Variants in BACH1 observed in about 807,000 individuals in gnomAD.
BACH1 encodes the protein BTB domain and CNC homolog 1, also known as transcription regulator protein BACH1.
A neutral mutation model predicts 52.9 loss-of-function variants in BACH1; 35 were observed. The ratio of observed to expected loss-of-function variants is 0.66; its 90% CI spans 0.51 to 0.88. The LOEUF (loss-of-function observed/expected upper bound fraction) is 0.88. BACH1 is among the 40% of genes least tolerant of loss of function. BACH1 has a pLI of 0.00. For synonymous variants in BACH1, 321 were observed against 319.6 expected, an observed-to-expected ratio of 1.00 and a Z score of -0.05; for missense variants, 808 against 872.6, an observed-to-expected ratio of 0.93 and a Z score of 0.93.
rs747643943 is a variant in BACH1 at position 29,326,684 on chromosome 21, A to G, written c.860A>G (p.Glu287Gly). ...LKCDESKLAM[E>G]PEETKKDPAS... ...TGTGACGAAAGTAAATTAGCAATGG[A>G]ACCTGAAGAAACGAAGAAAGATCCT... The change falls in exon 3 of 5, where the codon GAA becomes GGA. Residue 287 changes from glutamate (E) to glycine (G), a missense_variant. Glu to Gly is a moderately conservative substitution (Grantham distance 98). Coordinates refer to ENST00000286800, the MANE Select transcript of BACH1 (RefSeq NM_001186.4). 2 of 1,614,214 alleles carry G rather than the reference A, an allele frequency of 1.2e-6. No individual in the cohort carries two copies. The highest frequency in any genetic ancestry group is 1.1e-5 in the South Asian group (1 of 91,092).
intron 1 of BACH1, among the ~76,000 whole-genome samples, chr21:29,320,237 G>A (rs949028431): frequency 3.3e-5 from 5 of 152,152 alleles, no homozygotes; most frequent in African/African-American, 1.2e-4. Flanking sequence ...GGCATCACAC[G>A]GATAAAGGCC....
intron 4 of BACH1, among the ~76,000 whole-genome samples, chr21:29,334,593 C>T (rs2123463084): frequency 6.6e-6 from 1 of 152,180 alleles, no homozygotes; most frequent in East Asian, 1.9e-4. Flanking sequence ...ATGAAGGGAG[C>T]CTCGCTTTTT....
chr21:29,324,908 A>G (rs1393521668), intron 2 of BACH1, among the ~76,000 whole-genome samples: 1 of 152,140 alleles, frequency 6.6e-6, no homozygotes, highest in African/African-American at 2.4e-5. Flanking sequence ...TAAAAAGCCT[A>G]AACATGGTTT....
intron 1 of BACH1, among the ~76,000 whole-genome samples, chr21:29,308,011 A>C (rs2123410277): frequency 6.6e-6 from 1 of 152,344 alleles, no homozygotes; most frequent in East Asian, 1.9e-4. Context: ...TAGAATTTAG[A>C]AAGACTTGTA....
In BACH1 at chr21:29,326,247, A is replaced by G. The variant is rs1024662994; in HGVS notation, c.423A>G (p.Pro141=). 1 of 1,614,034 alleles carries G rather than the reference A, an allele frequency of 6.2e-7. No homozygotes were observed. Among genetic ancestry groups the G allele is most frequent in the South Asian group, 1.1e-5 (1 of 91,092 alleles). The change falls in exon 3 of 5, where the codon CCA becomes CCG. Residue 141 remains proline (P), a synonymous_variant. Coordinates refer to ENST00000286800, the MANE Select transcript of BACH1 (RefSeq NM_001186.4). ...LDSTADQQEC[P]RKKCFSSHCQ... ...CCACTGCAGACCAGCAAGAATGCCC[A>G]AGAAAAAAATGCTTTTCATCACACT...
intron 1 of BACH1, among the ~76,000 whole-genome samples, chr21:29,310,780 C>T (rs2088711661): frequency 6.6e-6 from 1 of 152,222 alleles, no homozygotes; most frequent in African/African-American, 2.4e-5. Context: ...TGTTGAGCTT[C>T]ACTAAATGGT....
At chr21:29,352,057 CTT>C (rs35436105) in intron 2 of BACH1, among the ~76,000 whole-genome samples, 39 of 139,766 alleles carry the variant, frequency 2.8e-4, no homozygotes, top group Admixed American at 2.9e-4. Context: ...ACCTAGTTTT[CTT>C]TTTTTTTTTT....
intron 1 of BACH1, among the ~76,000 whole-genome samples, chr21:29,320,832 C>T (rs1335225109): frequency 6.6e-6 from 1 of 152,166 alleles, no homozygotes; most frequent in Non-Finnish European, 1.5e-5. Context: ...TTCCTTCTTA[C>T]CTCTCTGGCT....
intron 4 of BACH1, among the ~76,000 whole-genome samples, chr21:29,340,155 T>A (rs773736686): frequency 1.3e-5 from 2 of 152,240 alleles, no homozygotes; most frequent in Non-Finnish European, 2.9e-5. Flanking sequence ...GTATCTTAAA[T>A]ACTGATGTCA....
At chr21:29,315,328 T>C (rs1342060056) in intron 1 of BACH1, among the ~76,000 whole-genome samples, 1 of 152,160 alleles carries the variant, frequency 6.6e-6, no homozygotes, top group African/African-American at 2.4e-5. Context: ...TTAGCTTTCT[T>C]AGCTTAGGGA....
At position 29,326,994 on chromosome 21, in the gene BACH1, G is replaced by T; in HGVS notation, c.1170G>T (p.Glu390Asp). Residue 390 changes from glutamate to aspartate, a missense_variant, in exon 3 of 5, where the codon GAG becomes GAT. Coordinates refer to ENST00000286800, the MANE Select transcript of BACH1 (RefSeq NM_001186.4). ...CATCTAGTGATAGGAGTAGTGTGGA[G>T]CGAGAAGTGGCAGAACACCTAGCAA... ...SVASSDRSSV[E>D]REVAEHLAKG... 6.2e-7 allele frequency: 1 copy of T among 1,613,954 alleles called. No homozygotes were observed. Among genetic ancestry groups the T allele is most frequent in the Non-Finnish European group, 8.5e-7 (1 of 1,179,994 alleles).
chr21:29,320,828 C>T (rs867166575), intron 1 of BACH1, among the ~76,000 whole-genome samples: 6 of 152,178 alleles, frequency 3.9e-5, no homozygotes, highest in African/African-American at 1.4e-4. Flanking sequence ...GACCTTCCTT[C>T]TTACCTCTCT....
At chr21:29,302,233 T>C (rs1465981881) in intron 1 of BACH1, among the ~76,000 whole-genome samples, 1 of 152,230 alleles carries the variant, frequency 6.6e-6, no homozygotes, top group Non-Finnish European at 1.5e-5. Context: ...ATTTAAAATA[T>C]ATGTCAAATG....
At chr21:29,328,025 A>T (rs948075281) in intron 3 of BACH1, among the ~76,000 whole-genome samples, 1 of 152,230 alleles carries the variant, frequency 6.6e-6, no homozygotes, top group African/African-American at 2.4e-5. Context: ...TCATTATTTG[A>T]TAACTCCTGG....
At chr21:29,302,616 G>A (rs1569005011) in intron 1 of BACH1, among the ~76,000 whole-genome samples, 1 of 152,220 alleles carries the variant, frequency 6.6e-6, no homozygotes, top group South Asian at 2.1e-4. Flanking sequence ...AGAGGTTGTT[G>A]TGAGGATTAT....
rs1311612452 is a variant in BACH1 at position 29,321,332 on chromosome 21, A to T, written c.52A>T (p.Thr18Ser). ...TGCCTATGAATCTTCTGTGCATAGC[A>T]CCAATGTTTTACTCAGCCTTAATGA... ...VFAYESSVHS[T>S]NVLLSLNDQR... is the part of the protein sequence containing the mutation. Residue 18 changes from threonine to serine, a missense_variant, in exon 2 of 5, where the codon ACC (threonine) becomes TCC (serine). Physicochemically the swap from Thr to Ser is moderately conservative, Grantham distance 58 (BLOSUM62 1). Coordinates refer to ENST00000286800, the MANE Select transcript of BACH1 (RefSeq NM_001186.4). 2 of 1,614,210 alleles carry T rather than the reference A, an allele frequency of 1.2e-6. No individual in the cohort carries two copies. The highest frequency in any genetic ancestry group is 1.7e-6 in the Non-Finnish European group (2 of 1,180,038).
In BACH1 at chr21:29,321,477, A is replaced by G; in HGVS notation, c.197A>G (p.Gln66Arg). Residue 66 changes from glutamine to arginine, a missense_variant, in exon 2 of 5, where the codon CAG (glutamine) becomes CGG (arginine). Gln to Arg is a conservative substitution (Grantham distance 43). Transcript: ENST00000286800. ...TACTTCCACTCAAGAATCGTAGGCC[A>G]GGCTGATGGAGAGCTGAACATTACT... Reference protein sequence around the residue: ...SSYFHSRIVGQADGELNITLP... With the variant: ...SSYFHSRIVGRADGELNITLP... 1.2e-6 allele frequency: 2 copies of G among 1,614,212 alleles called. No homozygotes were observed. The highest frequency in any genetic ancestry group is 1.7e-6 in the Non-Finnish European group (2 of 1,180,028).
At chr21:29,353,986 T>C (rs2089218365) in intron 2 of BACH1, among the ~76,000 whole-genome samples, 1 of 151,992 alleles carries the variant, frequency 6.6e-6, no homozygotes, top group Non-Finnish European at 1.5e-5. Flanking sequence ...GGGAGGGAGG[T>C]TGCCTTTGAA....
downstream of BACH1, among the ~76,000 whole-genome samples, chr21:29,347,541 A>G (rs1160085497): frequency 6.6e-6 from 1 of 152,168 alleles, no homozygotes; most frequent in African/African-American, 2.4e-5. Context: ...CATGCTCCCC[A>G]GTTTAAGTTC....
Sources: allele counts gnomAD v4.1 joint callset (sites outside exome capture counted in the v4.1 genomes callset), GRCh38; gene constraint gnomAD v4.1.1; transcripts MANE v1.5; gene names NCBI Gene and HGNC (gene_info 2026-07-23, HGNC 2026-07-21).